Variants in UNC79 observed in about 807,000 individuals in gnomAD.
The protein encoded by UNC79 is protein unc-79 homolog.
Under a neutral mutation model 283.1 loss-of-function variants are expected in UNC79, and 37 were observed. That is an observed-to-expected ratio of 0.13 (90% confidence interval 0.10 to 0.17). The LOEUF (loss-of-function observed/expected upper bound fraction) is 0.17, where lower values mean the gene tolerates loss of function less well. Ranked by LOEUF, UNC79 falls within the 10% of genes least tolerant of loss-of-function variation. UNC79 has a pLI of 1.00. For missense variants in UNC79, 2,272 were observed against 3,211.1 expected (o/e 0.71, Z 7.07); for synonymous variants, 1,107 against 1,200.2 (o/e 0.92, Z 1.61).
chr14:93,603,534 A>G (rs1452950846), intron 26 of UNC79, 116 bp downstream of exon 26: 22 of 1,282,124 alleles, frequency 1.7e-5, no homozygotes, highest in African/African-American at 6.0e-5. Flanking sequence ...AGTTTGTTCA[A>G]TAAGTTTGGC....
intron 41 of UNC79, among the ~76,000 whole-genome samples, chr14:93,673,904 G>A (rs1388116368): frequency 6.6e-6 from 1 of 152,148 alleles, no homozygotes; most frequent in African/African-American, 2.4e-5. Flanking sequence ...GCCAGAGACA[G>A]TCAAATGGCA....
In UNC79 at chr14:93,514,948, G is replaced by A. The variant is rs1238986503; in HGVS notation, c.899-9030G>A. On this transcript the variant is annotated intron_variant, in intron 7 of 48. Coordinates refer to ENST00000555664, the Ensembl canonical transcript of UNC79. ...TGGAAGTTTCCTTATCTCTTCAAAAGTGGCTTCTGACACATTCTCATCCCT... is the reference window on the plus strand; with the variant it reads ...TGGAAGTTTCCTTATCTCTTCAAAAATGGCTTCTGACACATTCTCATCCCT... Among the ~76,000 whole-genome samples the A allele has an allele frequency of 3.3e-5, 5 of 152,126 alleles. No individual in the cohort carries two copies. The East Asian group carries it at 9.6e-4, about 29-fold the overall frequency.
At chr14:93,680,167 G>T (rs1001884141) in intron 41 of UNC79, among the ~76,000 whole-genome samples, 2 of 152,172 alleles carry the variant, frequency 1.3e-5, no homozygotes, top group Non-Finnish European at 2.9e-5. Context: ...CAGACAGTTG[G>T]ATCCAACCTC....
At chr14:93,662,532 A>G in intron 39 of UNC79, 72 bp from the exon 43 acceptor site, 2 of 1,072,568 alleles carry the variant, frequency 1.9e-6, no homozygotes, top group Non-Finnish European at 2.7e-6. Context: ...TTAAAGTATC[A>G]TAAGATTTTA....
At chr14:93,486,586 G>A (rs2058446125) in intron 4 of UNC79, among the ~76,000 whole-genome samples, 1 of 150,866 alleles carries the variant, frequency 6.6e-6, no homozygotes. Context: ...CCCAGGGGTT[G>A]GAGGTTGCAG....
In UNC79 at chr14:93,480,143, G is replaced by A. The variant is rs74561714; in HGVS notation, c.619+2415G>A. ...ATCCCAAAACATGCCATGTAGTCACGTTAGAATTCTTACTTACATAAATGT... is the reference window on the plus strand; with the variant it reads ...ATCCCAAAACATGCCATGTAGTCACATTAGAATTCTTACTTACATAAATGT... On this transcript the variant is annotated intron_variant, in intron 4 of 48. Transcript: ENST00000555664. Among the ~76,000 whole-genome samples, 512 of 152,270 alleles carry A rather than the reference G, an allele frequency of 3.4e-3. 9 individuals are homozygous for A. In the South Asian group the frequency reaches 0.05, roughly 15 times the overall value.
intron 14 of UNC79, 76 bp from the exon 15 acceptor site, chr14:93,571,818 C>T: frequency 6.6e-7 from 1 of 1,509,980 alleles, no homozygotes; most frequent in South Asian, 1.2e-5. Flanking sequence ...GTACCCATTG[C>T]CTTAGGAAGT....
At chr14:93,623,718 C>T (rs1049828184) in intron 30 of UNC79, among the ~76,000 whole-genome samples, 1 of 152,124 alleles carries the variant, frequency 6.6e-6, no homozygotes, top group Non-Finnish European at 1.5e-5. Context: ...CATAGTGAAA[C>T]CCCGTCTCTA....
intron 1 of UNC79, among the ~76,000 whole-genome samples, chr14:93,357,779 A>G (rs2054128469): frequency 7.6e-6 from 1 of 132,330 alleles, no homozygotes; most frequent in Admixed American, 8.3e-5. Flanking sequence ...GGATATGTGG[A>G]TATATGGATA....
chr14:93,550,369 G>C (rs1269858527), intron 14 of UNC79, among the ~76,000 whole-genome samples: 2 of 151,966 alleles, frequency 1.3e-5, no homozygotes, highest in Non-Finnish European at 2.9e-5. Flanking sequence ...ACAAAAATTA[G>C]CTGGGCATGG....
intron 1 of UNC79, among the ~76,000 whole-genome samples, chr14:93,416,008 GTC>G (rs1566921702): frequency 6.6e-6 from 1 of 151,890 alleles, no homozygotes; most frequent in Non-Finnish European, 1.5e-5. Context: ...GGTTTTTTGT[GTC>G]TCTATTTCCT....
At chr14:93,371,921 G>A (rs561543724) in intron 1 of UNC79, among the ~76,000 whole-genome samples, 30 of 152,008 alleles carry the variant, frequency 2.0e-4, no homozygotes, top group African/African-American at 7.0e-4. Flanking sequence ...TTTAAAGTAT[G>A]GAGAGAAATA....
At chr14:93,597,422 T>A in exon 24 of UNC79, 1 of 1,614,228 alleles carries the variant, frequency 6.2e-7, no homozygotes, top group Non-Finnish European at 8.5e-7. Context: ...AACCACCTGC[T>A]GAAGTACTCC....
intron 1 of UNC79, among the ~76,000 whole-genome samples, chr14:93,377,181 C>A (rs2054578356): frequency 6.7e-6 from 1 of 150,142 alleles, no homozygotes; most frequent in African/African-American, 2.5e-5. Context: ...TCTCCACTTC[C>A]CAGGTTCACG....
intron 40 of UNC79, among the ~76,000 whole-genome samples, chr14:93,671,531 C>T (rs1429994055): frequency 7.2e-5 from 11 of 151,962 alleles, no homozygotes; most frequent in African/African-American, 2.4e-5. Context: ...CCAGCACTTT[C>T]GGAGGCCGAG....
chr14:93,443,849 T>C (rs1365997500), intron 1 of UNC79, among the ~76,000 whole-genome samples: 1 of 152,242 alleles, frequency 6.6e-6, no homozygotes, highest in Non-Finnish European at 1.5e-5. Context: ...AATTTGTTTA[T>C]CCATTCACCA....
chr14:93,472,626 T>C (rs1161171805), intron 2 of UNC79, among the ~76,000 whole-genome samples: 1 of 152,096 alleles, frequency 6.6e-6, no homozygotes, highest in Non-Finnish European at 1.5e-5. Context: ...ACAAAGCATG[T>C]AGTCATTTTT....
exon 40 of UNC79, chr14:93,662,689 G>T: frequency 6.2e-7 from 1 of 1,610,278 alleles, no homozygotes; most frequent in Non-Finnish European, 8.5e-7. Flanking sequence ...GAGCTGTGTG[G>T]CTTATGTTAC....
chr14:93,575,325 C>A (rs2063412501), intron 17 of UNC79, 127 bp downstream of exon 17: 3 of 1,161,110 alleles, frequency 2.6e-6, no homozygotes, highest in Non-Finnish European at 3.7e-6. Flanking sequence ...TCGCTGTGTT[C>A]ATCTTTTAAG....
Sources: allele counts gnomAD v4.1 joint callset (sites outside exome capture counted in the v4.1 genomes callset), GRCh38; gene constraint gnomAD v4.1.1; transcripts MANE v1.5; gene names NCBI Gene and HGNC (gene_info 2026-07-23, HGNC 2026-07-21).